CSNK2A2IP: variants seen among roughly 807,000 people sequenced by gnomAD.
CSNK2A2IP encodes casein kinase 2 subunit alpha' interacting protein, also known as casein kinase II subunit alpha'-interacting protein.
At chr3:88,417,928 T>A in the CSNK2A2IP span, among the ~76,000 whole-genome samples, 320 of 152,334 alleles carry the variant, frequency 2.1e-3, 2 homozygotes, top group Middle Eastern at 0.014. Context: ...TAGAGCAAGA[T>A]CTAGCTAGTT....
At chr3:88,394,416 A>G in the CSNK2A2IP span, among the ~76,000 whole-genome samples, 27 of 152,314 alleles carry the variant, frequency 1.8e-4, no homozygotes, top group African/African-American at 6.3e-4. Context: ...CTTGTTGCCC[A>G]GACTGGAGTG....
the CSNK2A2IP span, among the ~76,000 whole-genome samples, chr3:88,464,731 A>T: frequency 6.6e-6 from 1 of 152,190 alleles, no homozygotes. Flanking sequence ...ACAAAAACTT[A>T]TCACAGATTT....
chr3:88,408,504 A>G, the CSNK2A2IP span, among the ~76,000 whole-genome samples: 1 of 152,084 alleles, frequency 6.6e-6, no homozygotes, highest in African/African-American at 2.4e-5. Flanking sequence ...GTATAATAAA[A>G]AAGAAAACTT....
chr3:88,441,877 T>G, the CSNK2A2IP span, among the ~76,000 whole-genome samples: 2,075 of 152,296 alleles, frequency 0.014, 40 homozygotes, highest in African/African-American at 0.048. Flanking sequence ...CTAGAGATTT[T>G]CTTCTTGTTA....
At chr3:88,448,495 T>C in the CSNK2A2IP span, among the ~76,000 whole-genome samples, 1 of 152,210 alleles carries the variant, frequency 6.6e-6, no homozygotes, top group Non-Finnish European at 1.5e-5. Context: ...GGAAAACCTA[T>C]GTCCCATAGT....
At chr3:88,378,103 GT>G in the CSNK2A2IP span, among the ~76,000 whole-genome samples, 3 of 151,828 alleles carry the variant, frequency 2.0e-5, no homozygotes, top group Admixed American at 1.3e-4. Context: ...AGTTATAATT[GT>G]TATGCTGCTA....
the CSNK2A2IP span, among the ~76,000 whole-genome samples, chr3:88,418,133 A>C: frequency 6.6e-6 from 1 of 152,214 alleles, no homozygotes; most frequent in Non-Finnish European, 1.5e-5. Context: ...CAAACTCAAT[A>C]ATAAAAGGTA....
chr3:88,451,801 C>T, the CSNK2A2IP span, among the ~76,000 whole-genome samples: 1 of 150,320 alleles, frequency 6.7e-6, no homozygotes, highest in Non-Finnish European at 1.5e-5. Context: ...AGAACACTTT[C>T]TTCCTTATTT....
At chr3:88,386,815 G>A in the CSNK2A2IP span, among the ~76,000 whole-genome samples, 1 of 152,198 alleles carries the variant, frequency 6.6e-6, no homozygotes, top group East Asian at 1.9e-4. Flanking sequence ...GTGGGTAGCT[G>A]ATATGGGGAA....
the CSNK2A2IP span, among the ~76,000 whole-genome samples, chr3:88,430,461 A>C: frequency 6.6e-6 from 1 of 152,198 alleles, no homozygotes; most frequent in East Asian, 1.9e-4. Context: ...TAAAGTTAAA[A>C]TGGAAGTTGC....
the CSNK2A2IP span, among the ~76,000 whole-genome samples, chr3:88,415,294 A>G: frequency 2.0e-4 from 30 of 152,190 alleles, 1 homozygote; most frequent in East Asian, 1.4e-3. Flanking sequence ...GTATTAAGGG[A>G]AAATTTATAA....
chr3:88,370,771 T>C, the CSNK2A2IP span, among the ~76,000 whole-genome samples: 1 of 151,774 alleles, frequency 6.6e-6, no homozygotes, highest in Non-Finnish European at 1.5e-5. Flanking sequence ...TAACCCCCAA[T>C]GTGACTGTAT....
At chr3:88,362,927 C>T in the CSNK2A2IP span, among the ~76,000 whole-genome samples, 1 of 152,160 alleles carries the variant, frequency 6.6e-6, no homozygotes, top group Non-Finnish European at 1.5e-5. Flanking sequence ...GTGATACCCA[C>T]ACTCCTGCGG....
chr3:88,417,038 T>C, the CSNK2A2IP span, among the ~76,000 whole-genome samples: 1 of 151,588 alleles, frequency 6.6e-6, no homozygotes. Context: ...AATATTTTTC[T>C]TGCAAATGAG....
the CSNK2A2IP span, among the ~76,000 whole-genome samples, chr3:88,421,967 AAC>A: frequency 2.6e-5 from 4 of 152,196 alleles, no homozygotes; most frequent in Non-Finnish European, 4.4e-5. Context: ...TAAATTTAAT[AAC>A]ACAGCTACAC....
the CSNK2A2IP span, among the ~76,000 whole-genome samples, chr3:88,456,350 G>C: frequency 6.6e-6 from 1 of 151,914 alleles, no homozygotes; most frequent in Non-Finnish European, 1.5e-5. Context: ...CCACTTATTT[G>C]AGTTTTCACC....
the CSNK2A2IP span, among the ~76,000 whole-genome samples, chr3:88,379,987 T>G: frequency 6.6e-6 from 1 of 152,156 alleles, no homozygotes; most frequent in Non-Finnish European, 1.5e-5. Context: ...AACGTTATAT[T>G]ATATTTGTAA....
the CSNK2A2IP span, among the ~76,000 whole-genome samples, chr3:88,435,249 C>A: frequency 6.6e-6 from 1 of 152,118 alleles, no homozygotes; most frequent in Non-Finnish European, 1.5e-5. Context: ...TCCTCCACTC[C>A]CTGGGTTGGA....
chr3:88,449,874 T>TATAGAGAGAGAGAGAGAGAG, the CSNK2A2IP span, among the ~76,000 whole-genome samples: 1 of 70,040 alleles, frequency 1.4e-5, no homozygotes, highest in African/African-American at 4.7e-5. Context: ...TATATATATA[T>TATAGAGAGAGAGAGAGAGAG]AGAGAGAGAG....
Sources: allele counts gnomAD v4.1 joint callset (sites outside exome capture counted in the v4.1 genomes callset), GRCh38; gene constraint gnomAD v4.1.1; transcripts MANE v1.5; gene names NCBI Gene and HGNC (gene_info 2026-07-23, HGNC 2026-07-21).